Variants in ZDHHC7 observed in about 807,000 individuals in gnomAD.
ZDHHC7 encodes the protein palmitoyltransferase ZDHHC7.
Under a neutral mutation model 34.1 loss-of-function variants are expected in ZDHHC7, and 12 were observed. The observed-to-expected ratio is 0.35, with a 90% CI of 0.23 to 0.57. ZDHHC7 has a LOEUF of 0.57. Among genes scored for constraint, ZDHHC7 ranks in the 20% least tolerant of loss-of-function variants. ZDHHC7 has a pLI of 0.84. For missense variants in ZDHHC7, 388 were observed against 402.7 expected (o/e 0.96, Z 0.31); for synonymous variants, 185 against 155.4 (o/e 1.19, Z -1.42).
At chr16:85,012,219 T>C (rs1463408438), upstream of ZDHHC7, among the ~76,000 whole-genome samples, 2 of 151,846 alleles carry the variant, frequency 1.3e-5, no homozygotes, top group African/African-American at 4.8e-5. Flanking sequence ...TCCGTTTCTA[T>C]TAAAAACACA....
At chr16:84,998,893 A>G (rs897090501) in intron 1 of ZDHHC7, among the ~76,000 whole-genome samples, 4 of 151,172 alleles carry the variant, frequency 2.6e-5, no homozygotes, top group Admixed American at 2.0e-4. Flanking sequence ...AGCTGGGATT[A>G]CAGGTGCACG....
rs535127296 is a variant in ZDHHC7 at position 85,006,939 on chromosome 16, C to A, written c.-104+4347G>T. Among the ~76,000 whole-genome samples the A allele has an allele frequency of 6.0e-5, 9 of 150,988 alleles. No individual in the cohort carries two copies. The South Asian group carries it at 1.9e-3, about 31-fold the overall frequency. ...GCTCCTGTTTCCTCCAATTAGAATTCTTTCTCTGCCTTGCCAAATTATTCA... is the reference window on the plus strand; with the variant it reads ...GCTCCTGTTTCCTCCAATTAGAATTATTTCTCTGCCTTGCCAAATTATTCA... On this transcript the variant is annotated intron_variant, in intron 1 of 7. Coordinates refer to ENST00000313732, the MANE Select transcript of ZDHHC7 (RefSeq NM_017740.3).
At chr16:85,004,320 C>T (rs1166599769) in intron 1 of ZDHHC7, among the ~76,000 whole-genome samples, 4 of 152,098 alleles carry the variant, frequency 2.6e-5, no homozygotes, top group Non-Finnish European at 5.9e-5. Flanking sequence ...CCTCCTCACC[C>T]GCCCAGACCA....
At position 84,974,875 on chromosome 16, in the gene ZDHHC7, A is replaced by T. The variant is rs1040868397; in HGVS notation, c.*1468T>A. On this transcript the variant is annotated 3_prime_UTR_variant, in exon 8 of 8. Coordinates refer to ENST00000313732, the MANE Select transcript of ZDHHC7 (RefSeq NM_017740.3). ...GTGGTTTTGCATCAGCAGTGGTAGA[A>T]GCCCTGATTCGGATGGGGTACAGAG... The T allele has an allele frequency of 3.3e-5, 5 of 152,684 alleles. No homozygotes were observed. The highest frequency in any genetic ancestry group is 1.2e-4 in the African/African-American group (5 of 41,456). The allele number at this position is 152,684 out of a possible 1,614,324, so 9.5% of individuals were successfully genotyped here.
rs752631855 is a variant in ZDHHC7, at chr16:84,977,198, G to C, written c.647C>G (p.Thr216Ser). 1 of 1,614,218 alleles carries C rather than the reference G, an allele frequency of 6.2e-7. No homozygotes were observed. The highest frequency in any genetic ancestry group is 1.7e-5 in the Admixed American group (1 of 60,024). The change falls in exon 7 of 8, where the codon ACT (threonine) becomes AGT (serine). Residue 216 changes from threonine to serine, a missense_variant. Transcript: ENST00000313732. Reference protein sequence around the residue: ...TECSDFSPPITVILLIFLCLE... With the variant: ...TECSDFSPPISVILLIFLCLE... The stretch of plus-strand genomic sequence containing the variant: ...GCACAGGAAGATCAACAGGATTACA[G>C]TTATCGGAGGTGAAAAATCACTGCA...
intron 4 of ZDHHC7, among the ~76,000 whole-genome samples, chr16:84,981,114 C>T (rs144765767): frequency 3.3e-5 from 5 of 152,174 alleles, no homozygotes; most frequent in African/African-American, 1.2e-4. Flanking sequence ...TGGAGAAATA[C>T]ACCCAGACAT....
chr16:84,988,953 G>T (rs767038568), intron 3 of ZDHHC7: 45 of 1,381,306 alleles, frequency 3.3e-5, no homozygotes, highest in Non-Finnish European at 4.3e-5. Flanking sequence ...GAAGTGCCTG[G>T]GCACTTTGGG....
chr16:85,025,188 G>T, the ZDHHC7 span, among the ~76,000 whole-genome samples: 1 of 151,884 alleles, frequency 6.6e-6, no homozygotes, highest in African/African-American at 2.4e-5. Flanking sequence ...TAAGGCAAGA[G>T]AATCGCTTGA....
At chr16:85,016,257 C>T (rs1246723114), upstream of ZDHHC7, among the ~76,000 whole-genome samples, 5 of 151,194 alleles carry the variant, frequency 3.3e-5, no homozygotes, top group African/African-American at 1.2e-4. Flanking sequence ...CCTGAGCTCA[C>T]GTGATCCTTC....
At chr16:85,012,525 A>C (rs566360085), upstream of ZDHHC7, among the ~76,000 whole-genome samples, 2 of 152,298 alleles carry the variant, frequency 1.3e-5, no homozygotes, top group African/African-American at 4.8e-5. Flanking sequence ...GATAGCTTAA[A>C]GACAAAAGTA....
chr16:84,998,335 T>C (rs1027808831), intron 1 of ZDHHC7, among the ~76,000 whole-genome samples: 1 of 150,004 alleles, frequency 6.7e-6, no homozygotes, highest in Non-Finnish European at 1.5e-5. Flanking sequence ...AGCACAGGGG[T>C]CCCTGGGAGA....
the ZDHHC7 span, among the ~76,000 whole-genome samples, chr16:85,017,548 A>C: frequency 6.6e-6 from 1 of 152,218 alleles, no homozygotes; most frequent in Non-Finnish European, 1.5e-5. Context: ...AACTTGAAAC[A>C]ACCTAAATGT....
rs751731393 is a variant in ZDHHC7, at chr16:84,976,436, G to T, written c.834C>A (p.Pro278=). 6.2e-7 allele frequency: 1 copy of T among 1,614,102 alleles called. No homozygotes were observed. The highest frequency in any genetic ancestry group is 1.1e-5 in the South Asian group (1 of 91,074). The part of the protein sequence containing the change: ...WEGMKSVFGG[P]PSLLWMNPFV... ...AGGGATTCATCCAGAGGAGTGAGGG[G>T]GGCCCCCCAAAGACGGACTTCATCC... The change falls in exon 8 of 8, where the codon CCC becomes CCA. Residue 278 remains proline, a synonymous_variant. Transcript: ENST00000313732.
At chr16:84,995,046 A>G (rs1264044733) in intron 2 of ZDHHC7, among the ~76,000 whole-genome samples, 1 of 152,184 alleles carries the variant, frequency 6.6e-6, no homozygotes, top group African/African-American at 2.4e-5. Flanking sequence ...ATTAAAATGT[A>G]CACATTCCTT....
At chr16:85,027,404 G>C in the ZDHHC7 span, among the ~76,000 whole-genome samples, 11,583 of 152,144 alleles carry the variant, frequency 0.076, 503 homozygotes, top group African/African-American at 0.11. Flanking sequence ...TAGGGAAACC[G>C]AGGGCCAGGA....
the ZDHHC7 span, among the ~76,000 whole-genome samples, chr16:85,022,913 G>A: frequency 6.6e-6 from 1 of 152,162 alleles, no homozygotes; most frequent in Non-Finnish European, 1.5e-5. Context: ...CAACTGGCCT[G>A]CACTCTTAGT....
chr16:84,985,935 A>T (rs2072430320), intron 3 of ZDHHC7, among the ~76,000 whole-genome samples: 1 of 143,568 alleles, frequency 7.0e-6, no homozygotes, highest in Non-Finnish European at 1.5e-5. Flanking sequence ...AGCCTGGGCA[A>T]CAGAGTGAGA....
At chr16:85,014,915 G>A (rs1158524968), upstream of ZDHHC7, among the ~76,000 whole-genome samples, 1 of 152,074 alleles carries the variant, frequency 6.6e-6, no homozygotes, top group Admixed American at 6.6e-5. Flanking sequence ...ATAATGTCGT[G>A]AGGTTGGGGG....
At chr16:85,019,292 C>G in the ZDHHC7 span, among the ~76,000 whole-genome samples, 2 of 151,124 alleles carry the variant, frequency 1.3e-5, no homozygotes, top group African/African-American at 2.4e-5. Flanking sequence ...GGAATGCAAG[C>G]CTCACAAAAG....
Sources: gnomAD v4.1 joint callset for allele counts (sites outside exome capture counted in the v4.1 genomes callset) on GRCh38, gnomAD v4.1.1 for gene constraint, MANE v1.5 for transcripts, NCBI Gene and HGNC (gene_info 2026-07-23, HGNC 2026-07-21) for gene names.